Variants in BRINP1 observed in about 807,000 individuals in gnomAD.
BRINP1 encodes the protein BMP/retinoic acid-inducible neural-specific protein 1.
A neutral mutation model predicts 72.9 loss-of-function variants in BRINP1; 17 were observed. The ratio of observed to expected loss-of-function variants is 0.23; its 90% CI spans 0.16 to 0.35. BRINP1 has a LOEUF of 0.35. Among genes scored for constraint, BRINP1 ranks in the 10% least tolerant of loss-of-function variants. BRINP1 has a pLI of 1.00. For synonymous variants in BRINP1, 418 were observed against 378.5 expected (o/e 1.10, Z -1.21); for missense variants, 850 against 1,001.6 (o/e 0.85, Z 2.04).
chr9:119,213,374 C>G (rs780657648), intron 6 of BRINP1, among the ~76,000 whole-genome samples: 23 of 152,204 alleles, frequency 1.5e-4, no homozygotes, highest in Non-Finnish European at 2.8e-4. Flanking sequence ...CCCTGAAACT[C>G]ATTTTTCTGA....
At chr9:119,295,356 T>G (rs200406333) in intron 2 of BRINP1, among the ~76,000 whole-genome samples, 2 of 152,152 alleles carry the variant, frequency 1.3e-5, no homozygotes, top group East Asian at 3.9e-4. Context: ...ATTTTGTCAT[T>G]GTACAAACAT....
intron 7 of BRINP1, among the ~76,000 whole-genome samples, chr9:119,174,406 A>C (rs1414379563): frequency 1.7e-4 from 26 of 150,148 alleles, no homozygotes; most frequent in Non-Finnish European, 3.0e-5. Flanking sequence ...GCAAATCAAA[A>C]CCACAATGAG....
At chr9:119,354,284 A>G (rs896669808) in intron 1 of BRINP1, among the ~76,000 whole-genome samples, 8 of 152,232 alleles carry the variant, frequency 5.3e-5, no homozygotes, top group Middle Eastern at 3.4e-3. Flanking sequence ...TCATAAATCC[A>G]CTTTTAGAGA....
At chr9:119,322,654 G>C (rs527801660) in intron 1 of BRINP1, among the ~76,000 whole-genome samples, 1 of 152,198 alleles carries the variant, frequency 6.6e-6, no homozygotes, top group South Asian at 2.1e-4. Context: ...GCTGATGATC[G>C]CATCTGGGAA....
At chr9:119,221,539 A>T (rs1026790018) in intron 5 of BRINP1, among the ~76,000 whole-genome samples, 2 of 152,142 alleles carry the variant, frequency 1.3e-5, no homozygotes, top group Non-Finnish European at 2.9e-5. Context: ...AAAGGCTATG[A>T]TCTCATTCAG....
chr9:119,283,156 G>A (rs1260560256), intron 2 of BRINP1: 1 of 984,922 alleles, frequency 1.0e-6, no homozygotes, highest in Non-Finnish European at 1.2e-6. Flanking sequence ...GAGATCATTT[G>A]TTCTTTCTGG....
chr9:119,269,722 A>G (rs1312776556), intron 2 of BRINP1, among the ~76,000 whole-genome samples: 1 of 152,190 alleles, frequency 6.6e-6, no homozygotes, highest in East Asian at 1.9e-4. Context: ...AGGAGCCAGG[A>G]GGTTTATATA....
intron 7 of BRINP1, among the ~76,000 whole-genome samples, chr9:119,182,302 ATAAT>A (rs1293994114): frequency 6.6e-6 from 1 of 152,230 alleles, no homozygotes; most frequent in Non-Finnish European, 1.5e-5. Flanking sequence ...GTAAAAGAAG[ATAAT>A]TGATTAACAG....
At chr9:119,332,606 C>G (rs1831310491) in intron 1 of BRINP1, among the ~76,000 whole-genome samples, 1 of 152,212 alleles carries the variant, frequency 6.6e-6, no homozygotes, top group South Asian at 2.1e-4. Flanking sequence ...TCTACTTAAC[C>G]TCTGTGCTCC....
At chr9:119,308,640 G>A (rs773033140) in intron 2 of BRINP1, among the ~76,000 whole-genome samples, 4 of 152,200 alleles carry the variant, frequency 2.6e-5, no homozygotes, top group Non-Finnish European at 5.9e-5. Context: ...CAGGACAACA[G>A]AGGAGGGCTG....
intron 1 of BRINP1, among the ~76,000 whole-genome samples, chr9:119,358,683 G>C (rs1379401035): frequency 6.6e-6 from 1 of 152,174 alleles, no homozygotes; most frequent in Non-Finnish European, 1.5e-5. Flanking sequence ...GACAGAGCGA[G>C]ACTCCATCTC....
chr9:119,352,179 A>G (rs1202777441), intron 1 of BRINP1, among the ~76,000 whole-genome samples: 1 of 152,240 alleles, frequency 6.6e-6, no homozygotes, highest in African/African-American at 2.4e-5. Flanking sequence ...AAGAACTTTT[A>G]TAATGTGCAG....
chr9:119,208,176 G>A (rs1300592872), intron 7 of BRINP1, among the ~76,000 whole-genome samples: 1 of 152,128 alleles, frequency 6.6e-6, no homozygotes, highest in Non-Finnish European at 1.5e-5. Flanking sequence ...AGGTAGCCAG[G>A]CACTGAAGGT....
intron 2 of BRINP1, among the ~76,000 whole-genome samples, chr9:119,306,923 A>C (rs1018199123): frequency 2.6e-5 from 4 of 152,176 alleles, no homozygotes; most frequent in Non-Finnish European, 5.9e-5. Flanking sequence ...CCTATATTTA[A>C]GCCATCCCAA....
chr9:119,219,651 GAGA>G (rs1830017697), intron 5 of BRINP1, among the ~76,000 whole-genome samples: 1 of 9,776 alleles, frequency 1.0e-4, no homozygotes. Flanking sequence ...TTTACTGAGA[GAGA>G]GAGAGAGAGA....
chr9:119,247,533 T>TA, intron 3 of BRINP1, among the ~76,000 whole-genome samples: 1 of 152,028 alleles, frequency 6.6e-6, no homozygotes, highest in Non-Finnish European at 1.5e-5. Context: ...TGGGCGCCTG[T>TA]AGTCCCAGCT....
intron 1 of BRINP1, among the ~76,000 whole-genome samples, chr9:119,333,777 G>T (rs1039888443): frequency 5.9e-5 from 9 of 152,040 alleles, no homozygotes; most frequent in Non-Finnish European, 4.4e-5. Flanking sequence ...CTTTAAATCA[G>T]AAAGGAACAA....
chr9:119,337,845 A>G (rs186969786), intron 1 of BRINP1, among the ~76,000 whole-genome samples: 14 of 152,344 alleles, frequency 9.2e-5, no homozygotes, highest in African/African-American at 3.4e-4. Flanking sequence ...TGGAGGGAAT[A>G]TAAGTGTCTT....
chr9:119,308,189 A>G (rs778218380), intron 2 of BRINP1, among the ~76,000 whole-genome samples: 13 of 152,332 alleles, frequency 8.5e-5, no homozygotes, highest in Admixed American at 2.0e-4. Flanking sequence ...TTTTCCAGAA[A>G]ACATCTTTTA....
Sources: gnomAD v4.1 joint callset for allele counts (sites outside exome capture counted in the v4.1 genomes callset) on GRCh38, gnomAD v4.1.1 for gene constraint, MANE v1.5 for transcripts, NCBI Gene and HGNC (gene_info 2026-07-23, HGNC 2026-07-21) for gene names.